UXS1: variants seen among roughly 807,000 people sequenced by gnomAD.
UXS1 encodes UDP-glucuronate decarboxylase 1, also known as UDP-glucuronic acid decarboxylase 1.
A neutral mutation model predicts 62.6 loss-of-function variants in UXS1; 33 were observed. The observed-to-expected ratio is 0.53, with a 90% CI of 0.40 to 0.70. The LOEUF is 0.70. Among genes scored for constraint, UXS1 ranks in the 30% least tolerant of loss-of-function variants. The probability of loss-of-function intolerance (pLI) is 0.00; values close to 1 mark genes in which losing one functional copy is unlikely to be tolerated. For synonymous variants in UXS1, 213 were observed against 206.8 expected (o/e 1.03, Z -0.26); for missense variants, 434 against 556.3 (o/e 0.78, Z 2.21).
chr2:106,111,371 A>G (rs1396737351), intron 10 of UXS1, among the ~76,000 whole-genome samples: 2 of 152,174 alleles, frequency 1.3e-5, no homozygotes, highest in Admixed American at 1.3e-4. Flanking sequence ...TTGGGAGCCT[A>G]AAGCTGAGTT....
intron 5 of UXS1, among the ~76,000 whole-genome samples, chr2:106,152,322 C>T (rs1682083669): frequency 6.6e-6 from 1 of 152,016 alleles, no homozygotes; most frequent in South Asian, 2.1e-4. Flanking sequence ...CATGGTGGAG[C>T]ACACCTGTAA....
intron 4 of UXS1, among the ~76,000 whole-genome samples, chr2:106,161,893 CA>C (rs1682921062): frequency 6.6e-6 from 1 of 152,100 alleles, no homozygotes; most frequent in Non-Finnish European, 1.5e-5. Context: ...CTGTAACTTC[CA>C]AAAATATCTT....
At position 106,126,549 on chromosome 2, in the gene UXS1, G is replaced by T. The variant is rs150201954; in HGVS notation, c.578-870C>A. 2.7e-3 allele frequency among the ~76,000 whole-genome samples: 413 copies of T among 152,290 alleles called. 1 individual carries two copies. Among genetic ancestry groups the T allele is most frequent in the African/African-American group, 9.4e-3 (389 of 41,570 alleles). ...ACATGCAACCTATGTGCGCTTCTGG[G>T]TGAGGCTGGGTGGGGTGGTAGGATT... On this transcript the variant is annotated intron_variant, in intron 7 of 14. Transcript: ENST00000283148.
chr2:106,142,600 G>A (rs190477065), intron 6 of UXS1, among the ~76,000 whole-genome samples: 89 of 152,312 alleles, frequency 5.8e-4, no homozygotes, highest in African/African-American at 2.1e-3. Flanking sequence ...CTTGGAGAAT[G>A]TTCCATGTGG....
intron 5 of UXS1, among the ~76,000 whole-genome samples, chr2:106,157,833 C>A (rs1470287074): frequency 6.6e-6 from 1 of 152,006 alleles, no homozygotes; most frequent in East Asian, 1.9e-4. Flanking sequence ...CCAGAGCTGG[C>A]GGGAGGGGAC....
chr2:106,129,105 T>G (rs1403643775), intron 7 of UXS1, among the ~76,000 whole-genome samples: 1 of 152,234 alleles, frequency 6.6e-6, no homozygotes, highest in African/African-American at 2.4e-5. Context: ...TATACACATA[T>G]GACCACCATT....
intron 6 of UXS1, chr2:106,138,233 G>C: frequency 2.0e-6 from 2 of 985,476 alleles, no homozygotes; most frequent in Non-Finnish European, 2.4e-6. Context: ...GCTCAATCCA[G>C]ACGTCAGTCT....
chr2:106,129,540 T>C, intron 7 of UXS1, 134 bp downstream of exon 7: 2 of 764,862 alleles, frequency 2.6e-6, no homozygotes, highest in Non-Finnish European at 4.5e-6. Context: ...AACTGCCAAA[T>C]ACCACAAGCA....
At chr2:106,130,693 C>G (rs1340987247) in intron 6 of UXS1, among the ~76,000 whole-genome samples, 7 of 152,166 alleles carry the variant, frequency 4.6e-5, no homozygotes, top group Non-Finnish European at 1.0e-4. Context: ...CTTTCCTTTC[C>G]CAGTGCCGGG....
chr2:106,138,547 C>A, intron 6 of UXS1: 1 of 985,506 alleles, frequency 1.0e-6, no homozygotes, highest in Admixed American at 6.1e-5. Flanking sequence ...TACCCCTCCA[C>A]GGTGCTCTGG....
rs189437618 is a variant in UXS1 at position 106,124,132 on chromosome 2, T to C, written c.638-1041A>G. On this transcript the variant is annotated intron_variant, in intron 8 of 14. Transcript: ENST00000283148. ...TCACTACTCAGTGAGAGAAAAGTTC[T>C]AAGGAAAATACTTCCTGAGAGAAAG... Among the ~76,000 whole-genome samples the C allele has an allele frequency of 5.2e-4, 79 of 152,350 alleles. 1 individual carries two copies. The highest frequency in any genetic ancestry group is 1.8e-3 in the African/African-American group (76 of 41,584).
At chr2:106,180,610 A>G (rs1217648681) in intron 1 of UXS1, among the ~76,000 whole-genome samples, 4 of 152,214 alleles carry the variant, frequency 2.6e-5, no homozygotes, top group Admixed American at 6.5e-5. Flanking sequence ...ATAAACTTGG[A>G]AACACGTTGC....
chr2:106,158,058 CA>C lies in UXS1; in HGVS notation c.290del (p.Leu97Ter). The C allele has an allele frequency of 6.4e-7, 1 of 1,562,092 alleles. No homozygotes were observed. Among genetic ancestry groups the C allele is most frequent in the Non-Finnish European group, 8.7e-7 (1 of 1,151,878 alleles). On this transcript the variant is annotated frameshift_variant and splice_region_variant, in exon 5 of 15. Coordinates refer to ENST00000283148, the MANE Select transcript of UXS1 (RefSeq NM_001253875.2). LOFTEE classifies it high-confidence loss of function. ...FLSEKDRKRI[L>X]ITGGAGFVGS... ...ATACTATTCAGGTGTGCAAACTTAC[CA>C]AAATTCTTTTCCGATCCTTTTCTGA... is the stretch of plus-strand genomic sequence containing the variant.
chr2:106,164,704 G>T, intron 3 of UXS1, 32 bp downstream of exon 3: 1 of 1,473,848 alleles, frequency 6.8e-7, no homozygotes, highest in Non-Finnish European at 9.3e-7. Flanking sequence ...GTATACAGAT[G>T]AAATAGATAC....
intron 1 of UXS1, among the ~76,000 whole-genome samples, chr2:106,193,898 C>A (rs1685098354): frequency 6.6e-6 from 1 of 151,924 alleles, no homozygotes; most frequent in South Asian, 2.1e-4. Flanking sequence ...TGGGGCCGCC[C>A]GAGGACTGCT....
intron 6 of UXS1, among the ~76,000 whole-genome samples, chr2:106,141,026 C>G (rs1165738428): frequency 6.6e-6 from 1 of 152,240 alleles, no homozygotes; most frequent in Non-Finnish European, 1.5e-5. Flanking sequence ...GTGTGGCTTT[C>G]TGAAGCATGG....
chr2:106,181,022 G>C (rs1157989044), intron 1 of UXS1, among the ~76,000 whole-genome samples: 1 of 152,156 alleles, frequency 6.6e-6, no homozygotes, highest in Non-Finnish European at 1.5e-5. Context: ...GTTACCAAAT[G>C]AATGAATCTC....
rs1213641392 is a variant in UXS1, at chr2:106,152,568, AAAGG to A, written c.291+5486_291+5489del. Among the ~76,000 whole-genome samples, 142 of 151,260 alleles carry A rather than the reference AAAGG, an allele frequency of 9.4e-4. 2 individuals are homozygous for A. The highest frequency in any genetic ancestry group is 3.3e-3 in the African/African-American group (136 of 41,186). ...AGAGAAAGGGAGAAAGAAAGGAAGG[AAAGG>A]AAGGAAAGGAAAGAAAGAAAAGAAA... is the stretch of plus-strand genomic sequence containing the variant. On this transcript the variant is annotated intron_variant, in intron 5 of 14. Coordinates refer to ENST00000283148, the MANE Select transcript of UXS1 (RefSeq NM_001253875.2).
rs751423534 is a variant in UXS1 at position 106,122,965 on chromosome 2, A to C, written c.759+5T>G. The C allele has an allele frequency of 1.2e-6, 2 of 1,613,512 alleles. No individual in the cohort carries two copies. Among genetic ancestry groups the C allele is most frequent in the East Asian group, 4.5e-5 (2 of 44,886 alleles). On this transcript the variant is annotated splice_donor_5th_base_variant and intron_variant, in intron 9 of 14. Transcript: ENST00000283148. ...AAACCGCAAGCCTAGACCCTGGTGA[A>C]ATACCTGCTTCATGTAGGCATAGCA...
Sources: allele counts gnomAD v4.1 joint callset (sites outside exome capture counted in the v4.1 genomes callset), GRCh38; gene constraint gnomAD v4.1.1; transcripts MANE v1.5; gene names NCBI Gene and HGNC (gene_info 2026-07-23, HGNC 2026-07-21).